The following AK8 variants were observed in gnomAD, a reference collection of about 807,000 sequenced individuals.
AK8 encodes adenylate kinase 8, also known as ATP-AMP transphosphorylase 8.
AK8 carries 44 observed loss-of-function variants against 54.6 expected under a neutral mutation model. The observed-to-expected ratio is 0.81, with a 90% CI of 0.63 to 1.04. The LOEUF is 1.04. Ranked by LOEUF, AK8 falls within the 50% of genes least tolerant of loss-of-function variation. AK8 has a pLI of 0.00. For missense variants in AK8, 555 were observed against 613.6 expected, an observed-to-expected ratio of 0.90 and a Z score of 1.01; for synonymous variants, 239 against 245.6, an observed-to-expected ratio of 0.97 and a Z score of 0.25.
At chr9:132,848,967 GGC>G (rs1842864650) in intron 5 of AK8, among the ~76,000 whole-genome samples, 2 of 148,150 alleles carry the variant, frequency 1.3e-5, no homozygotes, top group African/African-American at 5.0e-5. Flanking sequence ...GGAGTGCAGT[GGC>G]GTGATCTCGG....
At chr9:132,828,838 A>G in intron 5 of AK8, 112 bp from the exon 6 acceptor site, 1 of 785,880 alleles carries the variant, frequency 1.3e-6, no homozygotes, top group South Asian at 3.2e-5. Context: ...TTAAGACAAA[A>G]AAAATGTTTC....
rs749147088 is a variant in AK8 at position 132,837,319 on chromosome 9, GA to G, written c.403-8594del. Among the ~76,000 whole-genome samples the G allele has an allele frequency of 0.13, 11,676 of 89,668 alleles. 572 individuals carry two copies. Among genetic ancestry groups the G allele is most frequent in the Admixed American group, 0.19 (1,449 of 7,790 alleles). The allele number at this position is 89,668 out of a possible 152,430, so 58.8% of individuals were successfully genotyped here. A position where few individuals can be genotyped will look rare whatever the true frequency, so the allele number is the denominator to read the frequency against. On this transcript the variant is annotated intron_variant, in intron 5 of 12. Coordinates refer to ENST00000298545, the MANE Select transcript of AK8 (RefSeq NM_152572.3). This position sits in a 1 kb window ranked among gnomAD's most constrained non-coding sequence, Gnocchi z 4.3. ...GGGTGACAGAGCAAGACTCCATCTC[GA>G]AAAAAAAAAAAAAAAAAAGAATGAA...
intron 11 of AK8, among the ~76,000 whole-genome samples, chr9:132,759,835 A>G (rs1001648798): frequency 7.2e-5 from 11 of 152,216 alleles, no homozygotes; most frequent in Non-Finnish European, 1.6e-4. Flanking sequence ...AAATAAATAG[A>G]TATTTGAGAG....
At chr9:132,845,031 A>ACCTC (rs1842691881) in intron 5 of AK8, among the ~76,000 whole-genome samples, 1 of 152,106 alleles carries the variant, frequency 6.6e-6, no homozygotes, top group Non-Finnish European at 1.5e-5. Flanking sequence ...CAGCAGTGCC[A>ACCTC]CCTCCGCAAG....
chr9:132,833,055 A>C (rs1842171309), intron 5 of AK8, among the ~76,000 whole-genome samples: 3 of 152,168 alleles, frequency 2.0e-5, no homozygotes, highest in Admixed American at 1.3e-4. Context: ...GCAGCCATGG[A>C]GGCTCTTCCT....
In AK8 at chr9:132,878,071, G is replaced by C; in HGVS notation, c.84+101C>G. 3.3e-6 allele frequency: 5 copies of C among 1,536,780 alleles called. No homozygotes were observed. The highest frequency in any genetic ancestry group is 3.5e-6 in the Non-Finnish European group (4 of 1,136,848). ...CCGAGTTGGGCTGCTTCGTGGGCGC[G>C]CGACTCGGCCCCAGCTGCGGGTCCC... is the stretch of plus-strand genomic sequence containing the variant. On this transcript the variant is annotated intron_variant, in intron 1 of 12. Coordinates refer to ENST00000298545, the MANE Select transcript of AK8 (RefSeq NM_152572.3). This position sits in a 1 kb window ranked among gnomAD's most constrained non-coding sequence, Gnocchi z 4.7.
intron 10 of AK8, among the ~76,000 whole-genome samples, chr9:132,793,087 G>T (rs1840016689): frequency 6.6e-6 from 1 of 152,162 alleles, no homozygotes. Context: ...AGTCCATTTG[G>T]GCTGCTATAG....
At chr9:132,758,322 G>A (rs1024863175) in intron 11 of AK8, among the ~76,000 whole-genome samples, 1 of 152,216 alleles carries the variant, frequency 6.6e-6, no homozygotes, top group African/African-American at 2.4e-5. Context: ...CTTCAGCAGG[G>A]CTTCCTACTC....
At chr9:132,813,893 C>A (rs1318495370) in intron 10 of AK8, among the ~76,000 whole-genome samples, 2 of 152,318 alleles carry the variant, frequency 1.3e-5, no homozygotes, top group South Asian at 4.1e-4. Flanking sequence ...CCGGTCAACA[C>A]TCACATCTGC....
chr9:132,848,326 TA>T (rs1289548910), intron 5 of AK8, among the ~76,000 whole-genome samples: 1 of 152,112 alleles, frequency 6.6e-6, no homozygotes, highest in Non-Finnish European at 1.5e-5. Flanking sequence ...CCCTCCCCTT[TA>T]ATGCTCTGCC....
chr9:132,874,297 G>A (rs2131450480), intron 2 of AK8: 1 of 152,422 alleles, frequency 6.6e-6, no homozygotes, highest in South Asian at 2.1e-4. Flanking sequence ...AAAAGGCTTG[G>A]AACCTCCTTT....
intron 11 of AK8, among the ~76,000 whole-genome samples, chr9:132,785,616 C>T (rs1414988882): frequency 6.6e-6 from 1 of 152,032 alleles, no homozygotes; most frequent in Non-Finnish European, 1.5e-5. Context: ...ACAAAGGAAA[C>T]CATAATGAAG....
At chr9:132,751,605 G>A (rs920219386) in intron 11 of AK8, among the ~76,000 whole-genome samples, 6 of 151,076 alleles carry the variant, frequency 4.0e-5, no homozygotes, top group Non-Finnish European at 7.4e-5. Context: ...GATTCCAGCC[G>A]AGAAGCCTGT....
At chr9:132,772,934 C>A (rs974206831) in intron 11 of AK8, among the ~76,000 whole-genome samples, 1 of 152,212 alleles carries the variant, frequency 6.6e-6, no homozygotes, top group Non-Finnish European at 1.5e-5. Context: ...CAGCCCTATA[C>A]CTGGCCTCCC....
intron 5 of AK8, among the ~76,000 whole-genome samples, chr9:132,833,808 G>A (rs112376985): frequency 0.012 from 1,893 of 152,374 alleles, 13 homozygotes; most frequent in Non-Finnish European, 0.021. Flanking sequence ...CGAGCCGTCC[G>A]GCTTTGTGCG....
rs55808936 is a variant in AK8, at chr9:132,821,805, G to GTATATT, written c.889+1399_889+1400insAATATA. Among the ~76,000 whole-genome samples the GTATATT allele has an allele frequency of 4.6e-3, 390 of 85,364 alleles. 2 individuals carry two copies. Among genetic ancestry groups the GTATATT allele is most frequent in the Non-Finnish European group, 6.7e-3 (274 of 40,900 alleles). 56.0% of individuals were successfully genotyped at this position (85,364 alleles called of 152,430 possible). On this transcript the variant is annotated intron_variant, in intron 9 of 12. Transcript: ENST00000298545. ...TGTATATACAAATATATACATATATGTGTATGTATATACAAATATATACAT... is the reference window on the plus strand; with the variant it reads ...TGTATATACAAATATATACATATATGTATATTTGTATGTATATACAAATATATACAT...
intron 5 of AK8, among the ~76,000 whole-genome samples, chr9:132,831,430 G>T (rs953266319): frequency 1.3e-5 from 2 of 152,186 alleles, no homozygotes; most frequent in Non-Finnish European, 2.9e-5. Context: ...AGTCCCGTGA[G>T]TCTAGAGTTA....
chr9:132,834,837 GT>G (rs1404945974), intron 5 of AK8, among the ~76,000 whole-genome samples: 1 of 151,480 alleles, frequency 6.6e-6, no homozygotes, highest in Non-Finnish European at 1.5e-5. Context: ...TGAAAACCTG[GT>G]AAAGCCCAAA....
chr9:132,758,555 T>A (rs373528007), intron 11 of AK8, among the ~76,000 whole-genome samples: 2 of 152,148 alleles, frequency 1.3e-5, no homozygotes, highest in East Asian at 3.9e-4. Context: ...GTTCAAATGA[T>A]TCTCTTGCCT....
Sources: gnomAD v4.1 joint callset for allele counts (sites outside exome capture counted in the v4.1 genomes callset) on GRCh38, gnomAD v4.1.1 for gene constraint, Gnocchi (gnomAD v3.1) non-coding constraint, MANE v1.5 for transcripts, NCBI Gene and HGNC (gene_info 2026-07-23, HGNC 2026-07-21) for gene names.